The following HEPH variants were observed in gnomAD, a reference collection of about 807,000 sequenced individuals.
HEPH encodes the protein hephaestin.
HEPH carries 69 observed loss-of-function variants against 80.8 expected under a neutral mutation model. That is an observed-to-expected ratio of 0.85 (90% CI 0.70 to 1.04). The LOEUF (loss-of-function observed/expected upper bound fraction) is 1.04, where lower values mean the gene tolerates loss of function less well. Ranked by LOEUF, HEPH falls within the 50% of genes least tolerant of loss-of-function variation. HEPH has a pLI of 0.00. For missense variants in HEPH, 1,115 were observed against 891.3 expected, an observed-to-expected ratio of 1.25 and a Z score of -3.20; for synonymous variants, 431 against 322.8, an observed-to-expected ratio of 1.34 and a Z score of -3.60.
At chrX:66,245,272 G>A (rs979876191) in intron 15 of HEPH, among the ~76,000 whole-genome samples, 4 of 111,129 alleles carry the variant, frequency 3.6e-5, no homozygotes, top group Non-Finnish European at 7.5e-5. Flanking sequence ...TCAAAATAAA[G>A]GGATGGAGGA....
At chrX:66,230,993 A>C (rs1360051332) in intron 15 of HEPH, among the ~76,000 whole-genome samples, 6 of 107,800 alleles carry the variant, frequency 5.6e-5, no homozygotes, top group African/African-American at 1.7e-4. Flanking sequence ...CTTTCTACAT[A>C]TGGCTAGCCA....
Position 66,266,754 on chromosome X carries a change from C to A in HEPH, c.*82C>A, listed in dbSNP as rs2091553773. On this transcript the variant is annotated 3_prime_UTR_variant, in exon 21 of 21. Transcript: ENST00000343002. ...CCATGGACTAGTCACTAACCCCACA[C>A]TCAAAGGGGCATGGGTGGTGGAGAA... 3 of 586,435 alleles carry A rather than the reference C, an allele frequency of 5.1e-6. No homozygotes were observed. Among genetic ancestry groups the A allele is most frequent in the Non-Finnish European group, 8.3e-6 (3 of 359,477 alleles). 48.3% of individuals were successfully genotyped at this position (586,435 alleles called of 1,213,427 possible). A position where few individuals can be genotyped will look rare whatever the true frequency, so the allele number is the denominator to read the frequency against.
intron 16 of HEPH, among the ~76,000 whole-genome samples, chrX:66,255,895 C>T (rs186995273): frequency 4.5e-5 from 5 of 112,324 alleles, no homozygotes; most frequent in Middle Eastern, 4.6e-3. Context: ...CTAGATAAAG[C>T]ATAGGTCAGA....
At chrX:66,238,543 AAAACAAAC>A (rs895686464) in intron 15 of HEPH, among the ~76,000 whole-genome samples, 1 of 111,347 alleles carries the variant, frequency 9.0e-6, no homozygotes, top group South Asian at 3.8e-4. Flanking sequence ...AGACCCTGTC[AAAACAAAC>A]AAACAAACAA....
chrX:66,244,339 A>T (rs1490142573), intron 15 of HEPH, among the ~76,000 whole-genome samples: 1 of 111,713 alleles, frequency 9.0e-6, no homozygotes, highest in Non-Finnish European at 1.9e-5. Flanking sequence ...ACATAATCTG[A>T]TATTTCTCAG....
chrX:66,204,742 A>G (rs1433195028), intron 13 of HEPH, among the ~76,000 whole-genome samples: 1 of 112,331 alleles, frequency 8.9e-6, no homozygotes, highest in Non-Finnish European at 1.9e-5. Context: ...TGTAGAAATC[A>G]GTTATTTATT....
intron 10 of HEPH, 138 bp from the exon 11 acceptor site, chrX:66,198,740 T>C (rs2088251538): frequency 2.1e-6 from 1 of 471,000 alleles, no homozygotes; most frequent in African/African-American, 2.4e-5. Flanking sequence ...CTGCTGCAGC[T>C]CTGGATAGGA....
At chrX:66,206,266 G>T (rs1332533049) in intron 13 of HEPH, among the ~76,000 whole-genome samples, 1 of 98,556 alleles carries the variant, frequency 1.0e-5, no homozygotes, top group Non-Finnish European at 2.0e-5. Context: ...CTGATTCTTA[G>T]CCCAGTGCTC....
chrX:66,199,557 A>G (rs1304685907), intron 11 of HEPH, among the ~76,000 whole-genome samples: 1 of 111,967 alleles, frequency 8.9e-6, no homozygotes, highest in Non-Finnish European at 1.9e-5. Context: ...TGAGCGCCTA[A>G]TTGGTACTAG....
intron 15 of HEPH, among the ~76,000 whole-genome samples, chrX:66,210,519 C>T (rs2089055961): frequency 9.0e-6 from 1 of 111,052 alleles, no homozygotes; most frequent in Admixed American, 9.6e-5. Context: ...AAATCATCCA[C>T]ATGCACCTTG....
In HEPH at chrX:66,189,740, C is replaced by T. The variant is rs778622491; in HGVS notation, c.865C>T (p.Arg289Cys). The change falls in exon 6 of 21, where the codon CGT becomes TGT. Residue 289 changes from arginine to cysteine, a missense_variant. Around this residue, in one of 3 missense-constraint regions of HEPH, gnomAD observed 391 missense variants for 343.6 expected, o/e 1.14. Coordinates refer to ENST00000343002, the MANE Select transcript of HEPH (RefSeq NM_001367233.3). Reference protein sequence around the residue: ...LPELNMCAQKRVAWHLFGMGN... With the variant: ...LPELNMCAQKCVAWHLFGMGN... ...TGAGCTGAACATGTGTGCACAGAAA[C>T]GTGTGGCCTGGCACTTGTTTGGCAT... 1.2e-5 allele frequency: 15 copies of T among 1,208,969 alleles called. No homozygotes were observed. The highest frequency in any genetic ancestry group is 3.0e-5 in the East Asian group (1 of 33,767).
rs758208170 is a variant in HEPH at position 66,207,296 on chromosome X, G to A, written c.2393G>A (p.Arg798Gln). The A allele has an allele frequency of 2.3e-5, 27 of 1,198,004 alleles. No homozygotes were observed. The highest frequency in any genetic ancestry group is 1.8e-4 in the South Asian group (10 of 54,475). Reference sequence around the variant, plus strand: ...ACTGATGGTACATTCAGGATCCCTCGGCCAAGGACTGGACCAGAAGAACAC... The same window carrying A: ...ACTGATGGTACATTCAGGATCCCTCAGCCAAGGACTGGACCAGAAGAACAC... ...EYTDGTFRIP[R>Q]PRTGPEEHLG... Residue 798 changes from arginine (R) to glutamine (Q), a missense_variant, in exon 14 of 21, where the codon CGG (arginine) becomes CAG (glutamine). By Grantham distance (43) the Arg-to-Gln change is conservative. Transcript: ENST00000343002.
At chrX:66,251,651 T>G (rs897652001) in intron 15 of HEPH, among the ~76,000 whole-genome samples, 5 of 111,577 alleles carry the variant, frequency 4.5e-5, no homozygotes, top group Non-Finnish European at 9.4e-5. Flanking sequence ...AAATTATATT[T>G]AGGCTGATAT....
At chrX:66,240,956 C>A (rs908076429) in intron 15 of HEPH, among the ~76,000 whole-genome samples, 2 of 111,822 alleles carry the variant, frequency 1.8e-5, no homozygotes, top group Non-Finnish European at 3.8e-5. Flanking sequence ...TTTTGGGAGG[C>A]CAAGGCAGGC....
chrX:66,237,320 T>A (rs1048561446), intron 15 of HEPH, among the ~76,000 whole-genome samples: 6 of 111,785 alleles, frequency 5.4e-5, no homozygotes, highest in Non-Finnish European at 1.1e-4. Context: ...AGAGATTCTG[T>A]AATGCTGCAC....
intron 12 of HEPH, among the ~76,000 whole-genome samples, chrX:66,201,551 C>T (rs2088452171): frequency 9.0e-6 from 1 of 111,033 alleles, no homozygotes; most frequent in South Asian, 3.8e-4. Context: ...TCTTTAGTCC[C>T]TATGGTGTAT....
chrX:66,266,697 A>C lies in HEPH; in HGVS notation c.*25A>C. ...ACATCTGGAGCCTGGAGATATCCTCAGGAAGCACATCTGTAGTGCACTCCC... is the reference window on the plus strand; with the variant it reads ...ACATCTGGAGCCTGGAGATATCCTCCGGAAGCACATCTGTAGTGCACTCCC... On this transcript the variant is annotated 3_prime_UTR_variant, in exon 21 of 21. Coordinates refer to ENST00000343002, the MANE Select transcript of HEPH (RefSeq NM_001367233.3). 1 of 1,089,155 alleles carries C rather than the reference A, an allele frequency of 9.2e-7. No individual in the cohort carries two copies. Among genetic ancestry groups the C allele is most frequent in the Non-Finnish European group, 1.3e-6 (1 of 788,269 alleles). 89.8% of individuals were successfully genotyped at this position (1,089,155 alleles called of 1,213,427 possible). A position where few individuals can be genotyped will look rare whatever the true frequency, so the allele number is the denominator to read the frequency against.
intron 15 of HEPH, among the ~76,000 whole-genome samples, chrX:66,215,606 G>A (rs1184304742): frequency 1.8e-5 from 2 of 111,868 alleles, no homozygotes; most frequent in Middle Eastern, 4.2e-3. Context: ...CATCTTCGGG[G>A]TGGAGGAGAA....
At chrX:66,237,844 T>C (rs1460636837) in intron 15 of HEPH, among the ~76,000 whole-genome samples, 1 of 112,484 alleles carries the variant, frequency 8.9e-6, no homozygotes, top group Admixed American at 9.4e-5. Flanking sequence ...AGTTAGGTGC[T>C]CTTGTTGAAG....
Sources: gnomAD v4.1 joint callset for allele counts (sites outside exome capture counted in the v4.1 genomes callset) on GRCh38, gnomAD v4.1.1 for gene constraint, gnomAD v4.1.1 regional missense constraint, MANE v1.5 for transcripts, NCBI Gene and HGNC (gene_info 2026-07-23, HGNC 2026-07-21) for gene names.